The following MPP7 variants were observed in gnomAD, a reference collection of about 807,000 sequenced individuals.
MPP7 encodes the protein MAGUK p55 subfamily member 7.
Under a neutral mutation model 76.5 loss-of-function variants are expected in MPP7, and 60 were observed. That is an observed-to-expected ratio of 0.78 (90% CI 0.64 to 0.97). The LOEUF (loss-of-function observed/expected upper bound fraction) is 0.97. Among genes scored for constraint, MPP7 ranks in the 50% least tolerant of loss-of-function variants. MPP7 has a pLI of 0.00. For missense variants in MPP7, 641 were observed against 694.0 expected (o/e 0.92, Z 0.86); for synonymous variants, 237 against 244.5 (o/e 0.97, Z 0.29).
At chr10:28,322,283 T>C (rs1042086757) in intron 2 of MPP7, among the ~76,000 whole-genome samples, 2 of 152,136 alleles carry the variant, frequency 1.3e-5, no homozygotes, top group African/African-American at 4.8e-5. Context: ...GCTGGATGTC[T>C]TGCGGTTCCT....
intron 3 of MPP7, among the ~76,000 whole-genome samples, chr10:28,158,826 G>A (rs925154477): frequency 1.3e-5 from 2 of 152,194 alleles, no homozygotes; most frequent in African/African-American, 4.8e-5. Flanking sequence ...TCCACAAAGA[G>A]TAAGAATGCT....
intron 1 of MPP7, among the ~76,000 whole-genome samples, chr10:28,331,896 T>G (rs1269162964): frequency 6.6e-6 from 1 of 152,200 alleles, no homozygotes; most frequent in African/African-American, 2.4e-5. Context: ...TATCTTTATA[T>G]AGAAATGAGA....
intron 8 of MPP7, among the ~76,000 whole-genome samples, chr10:28,121,457 G>A (rs1459104871): frequency 2.6e-5 from 4 of 151,796 alleles, no homozygotes; most frequent in South Asian, 2.1e-4. Flanking sequence ...TCTGGTGAGC[G>A]AGTAAAATAT....
chr10:28,222,931 A>G (rs972967904), intron 2 of MPP7, among the ~76,000 whole-genome samples: 1 of 150,440 alleles, frequency 6.6e-6, no homozygotes, highest in African/African-American at 2.5e-5. Context: ...TCTAGGCTAT[A>G]AAAATAGCTT....
At chr10:28,107,922 A>G (rs1834375211) in intron 11 of MPP7, among the ~76,000 whole-genome samples, 1 of 152,232 alleles carries the variant, frequency 6.6e-6, no homozygotes, top group Non-Finnish European at 1.5e-5. Context: ...ACACTGTATT[A>G]TTCTGAAATG....
chr10:28,226,892 C>CT (rs886065919), intron 2 of MPP7, among the ~76,000 whole-genome samples: 1 of 152,056 alleles, frequency 6.6e-6, no homozygotes, highest in African/African-American at 2.4e-5. Context: ...TATGAAAGGA[C>CT]TTTTTTAACA....
intron 15 of MPP7, among the ~76,000 whole-genome samples, chr10:28,058,114 G>A (rs1176775466): frequency 6.6e-6 from 1 of 152,104 alleles, no homozygotes; most frequent in East Asian, 1.9e-4. Context: ...AATGTCCATC[G>A]TTAAAAATTA....
intron 2 of MPP7, among the ~76,000 whole-genome samples, chr10:28,213,560 C>G (rs756633516): frequency 1.2e-4 from 18 of 151,734 alleles, no homozygotes; most frequent in African/African-American, 1.5e-4. Flanking sequence ...TTTGTGAGGC[C>G]AAGGCGGGCA....
intron 1 of MPP7, among the ~76,000 whole-genome samples, chr10:28,256,922 G>A (rs896233652): frequency 1.3e-5 from 2 of 152,172 alleles, no homozygotes; most frequent in Non-Finnish European, 2.9e-5. Context: ...TTCAATGTAT[G>A]CCGAGTGAGT....
intron 3 of MPP7, among the ~76,000 whole-genome samples, chr10:28,200,628 T>C (rs918143733): frequency 3.9e-5 from 6 of 152,220 alleles, no homozygotes; most frequent in African/African-American, 1.4e-4. Flanking sequence ...TTTTTGGTCT[T>C]TAGCGTGCTA....
chr10:28,059,845 A>T (rs1851707714), intron 13 of MPP7, 102 bp from the exon 14 acceptor site: 4 of 779,790 alleles, frequency 5.1e-6, no homozygotes, highest in Non-Finnish European at 8.4e-6. Flanking sequence ...TTTCAACAGG[A>T]TTTAAAAATG....
intron 1 of MPP7, among the ~76,000 whole-genome samples, chr10:28,247,032 T>C (rs1173363718): frequency 4.6e-5 from 7 of 152,198 alleles, no homozygotes; most frequent in East Asian, 1.9e-4. Flanking sequence ...AAATACAACA[T>C]AGCCCATTAT....
At position 28,189,461 on chromosome 10, in the gene MPP7, T is replaced by G. The variant is rs571206572; in HGVS notation, c.156+12692A>C. The stretch of plus-strand genomic sequence containing the variant: ...GCGCACGCCTGTACTTCCAGCTACT[T>G]GGGAGGTTGAGAAGTGGGAGAAATA... On this transcript the variant is annotated intron_variant, in intron 3 of 16. Transcript: ENST00000683449. Among the ~76,000 whole-genome samples the G allele has an allele frequency of 2.0e-5, 3 of 149,790 alleles. No homozygotes were observed. The East Asian group carries it at 6.0e-4, about 30-fold the overall frequency.
chr10:28,217,434 C>T (rs1183350872), intron 2 of MPP7, among the ~76,000 whole-genome samples: 3 of 149,806 alleles, frequency 2.0e-5, no homozygotes, highest in African/African-American at 4.9e-5. Flanking sequence ...GGCTGAGGCA[C>T]GAGAATCGCT....
intron 1 of MPP7, among the ~76,000 whole-genome samples, chr10:28,290,356 A>T (rs970344806): frequency 6.7e-6 from 1 of 150,264 alleles, no homozygotes; most frequent in African/African-American, 2.5e-5. Context: ...AGAGTATAAT[A>T]CTACAAGGAA....
At chr10:28,276,562 C>T (rs1468750632) in intron 1 of MPP7, among the ~76,000 whole-genome samples, 2 of 151,912 alleles carry the variant, frequency 1.3e-5, no homozygotes, top group African/African-American at 2.4e-5. Flanking sequence ...GTCTTTGAGT[C>T]GGATTACTAA....
intron 11 of MPP7, among the ~76,000 whole-genome samples, chr10:28,117,503 G>A (rs538428561): frequency 2.6e-5 from 4 of 152,016 alleles, no homozygotes; most frequent in Admixed American, 6.6e-5. Flanking sequence ...ATTCAACAAA[G>A]GGCATGATAA....
At chr10:28,111,724 G>A (rs930930108) in intron 11 of MPP7, among the ~76,000 whole-genome samples, 28 of 152,136 alleles carry the variant, frequency 1.8e-4, no homozygotes, top group Non-Finnish European at 3.7e-4. Context: ...ATTATCTGAT[G>A]AAAGGTATTT....
At chr10:28,059,891 A>G in intron 13 of MPP7, 148 bp from the exon 14 acceptor site, 1 of 628,566 alleles carries the variant, frequency 1.6e-6, no homozygotes, top group South Asian at 1.8e-5. Flanking sequence ...AAATACAGTA[A>G]GCTGTTATAA....
Sources: allele counts gnomAD v4.1 joint callset (sites outside exome capture counted in the v4.1 genomes callset), GRCh38; gene constraint gnomAD v4.1.1; transcripts MANE v1.5; gene names NCBI Gene and HGNC (gene_info 2026-07-23, HGNC 2026-07-21).